The following HIPK3 variants were observed in gnomAD, a reference collection of about 807,000 sequenced individuals.
The protein encoded by HIPK3 is homeodomain interacting protein kinase 3.
HIPK3 carries 47 observed loss-of-function variants against 124.2 expected under a neutral mutation model. That is an observed-to-expected ratio of 0.38 (90% CI 0.30 to 0.48). HIPK3 has a LOEUF of 0.48. HIPK3 is among the 20% of genes least tolerant of loss of function. The probability of loss-of-function intolerance (pLI) is 0.98; values close to 1 mark genes in which losing one functional copy is unlikely to be tolerated. For missense variants in HIPK3, 1,286 were observed against 1,454.3 expected (o/e 0.88, Z 1.88); for synonymous variants, 482 against 515.2 (o/e 0.94, Z 0.87).
chr11:33,301,634 A>C (rs1240374292), intron 2 of HIPK3, among the ~76,000 whole-genome samples: 7 of 151,680 alleles, frequency 4.6e-5, no homozygotes, highest in East Asian at 1.9e-4. Flanking sequence ...AAAAAAAAAA[A>C]AAACTTGGGC....
Position 33,257,399 on chromosome 11 carries a change from G to A in HIPK3, c.-493G>A. Reference sequence around the variant, plus strand: ...GGCGGCTGGTGGCAGCTGCCTCAGTGACGACTGCCGGCATCGCGGCGACCT... The same window carrying A: ...GGCGGCTGGTGGCAGCTGCCTCAGTAACGACTGCCGGCATCGCGGCGACCT... On this transcript the variant is annotated 5_prime_UTR_variant, in exon 1 of 17. Coordinates refer to ENST00000303296, the MANE Select transcript of HIPK3 (RefSeq NM_005734.5). The A allele has an allele frequency of 1.0e-6, 1 of 985,194 alleles. No homozygotes were observed. The highest frequency in any genetic ancestry group is 1.2e-6 in the Non-Finnish European group (1 of 829,840). The allele number at this position is 985,194 out of a possible 1,614,324, so 61.0% of individuals were successfully genotyped here.
intron 3 of HIPK3, among the ~76,000 whole-genome samples, chr11:33,333,217 G>A (rs941361502): frequency 1.3e-5 from 2 of 152,194 alleles, no homozygotes; most frequent in African/African-American, 4.8e-5. Context: ...GATTTGTGAA[G>A]TATGGAATTG....
intron 8 of HIPK3, among the ~76,000 whole-genome samples, chr11:33,344,185 T>C (rs1853426768): frequency 6.6e-6 from 1 of 152,246 alleles, no homozygotes; most frequent in South Asian, 2.1e-4. Flanking sequence ...TGGTAGATTT[T>C]ATGACACTAC....
At chr11:33,296,027 C>G (rs1438761133) in intron 2 of HIPK3, among the ~76,000 whole-genome samples, 1 of 152,198 alleles carries the variant, frequency 6.6e-6, no homozygotes, top group African/African-American at 2.4e-5. Context: ...TTTTCTAATT[C>G]TGTAGTTCCT....
rs756044088 is a variant in HIPK3, at chr11:33,340,951, C to T, written c.1614-17C>T. 5 of 1,478,644 alleles carry T rather than the reference C, an allele frequency of 3.4e-6. 1 individual carries two copies. In the South Asian group the frequency reaches 3.7e-5, roughly 11 times the overall value. 91.6% of individuals were successfully genotyped at this position (1,478,644 alleles called of 1,614,324 possible). A position where few individuals can be genotyped will look rare whatever the true frequency, so the allele number is the denominator to read the frequency against. On this transcript the variant is annotated splice_polypyrimidine_tract_variant and intron_variant, in intron 6 of 16. Transcript: ENST00000303296. ...TTTTAAAATAATACTGTAATACCTT[C>T]ACTTTTTCTTTTACAGTGTAAAGTC...
chr11:33,319,239 G>A (rs1590396636), intron 2 of HIPK3, among the ~76,000 whole-genome samples: 2 of 152,332 alleles, frequency 1.3e-5, no homozygotes, highest in East Asian at 3.9e-4. Flanking sequence ...GCTCATGCCT[G>A]TAATCCCAGC....
chr11:33,343,590 T>A (rs535806037), intron 8 of HIPK3, among the ~76,000 whole-genome samples: 10 of 152,316 alleles, frequency 6.6e-5, no homozygotes, highest in South Asian at 4.1e-4. Context: ...TCTGATTTTT[T>A]AATTTTAAGC....
chr11:33,288,125 G>A (rs1851605546), intron 2 of HIPK3, among the ~76,000 whole-genome samples: 1 of 152,158 alleles, frequency 6.6e-6, no homozygotes, highest in Non-Finnish European at 1.5e-5. Context: ...CCTGTATAAG[G>A]ATTCAGAAAG....
Position 33,349,205 on chromosome 11 carries a change from T to C in HIPK3, c.2725T>C (p.Cys909Arg). 1 of 1,613,778 alleles carries C rather than the reference T, an allele frequency of 6.2e-7. No homozygotes were observed. The highest frequency in any genetic ancestry group is 8.5e-7 in the Non-Finnish European group (1 of 1,179,662). The stretch of plus-strand genomic sequence containing the variant: ...GAGCACTTTGAATATTGATCGGATG[T>C]GTTCATTAAGTAGTCCTGATAGTAC... ...CQSTLNIDRM[C>R]SLSSPDSTLS... The change falls in exon 14 of 17, where the codon TGT (cysteine) becomes CGT (arginine). Residue 909 changes from cysteine to arginine, a missense_variant. By Grantham distance (180) the Cys-to-Arg change is radical. Coordinates refer to ENST00000303296, the MANE Select transcript of HIPK3 (RefSeq NM_005734.5).
rs1169498647 is a variant in HIPK3, at chr11:33,257,666, GAGC to G, written c.-207_-205del. The G allele has an allele frequency of 1.3e-4, 131 of 992,092 alleles. No individual in the cohort carries two copies. The highest frequency in any genetic ancestry group is 3.3e-4 in the East Asian group (3 of 9,018). 61.5% of individuals were successfully genotyped at this position (992,092 alleles called of 1,614,324 possible). On this transcript the variant is annotated 5_prime_UTR_variant, in exon 1 of 17. Transcript: ENST00000303296. The stretch of plus-strand genomic sequence containing the variant: ...AGACGGGCCCGGCGCTTAGCAGCCA[GAGC>G]AGCAGCAGCAGCAGCAGCGGTCGGG...
rs1473755077 is a variant in HIPK3 at position 33,347,842 on chromosome 11, T to C, written c.2145-10T>C. 1 of 1,613,944 alleles carries C rather than the reference T, an allele frequency of 6.2e-7. No individual in the cohort carries two copies. The highest frequency in any genetic ancestry group is 1.7e-5 in the Admixed American group (1 of 60,012). On this transcript the variant is annotated splice_polypyrimidine_tract_variant and intron_variant, in intron 10 of 16. Transcript: ENST00000303296. ...CTTGATTAAAAACATTGTTCTGAAC[T>C]TCTCCCTAGGAAGATGATTTCATGC...
chr11:33,347,841 C>T lies in HIPK3; in HGVS notation c.2145-11C>T. 2 of 1,614,026 alleles carry T rather than the reference C, an allele frequency of 1.2e-6. No individual in the cohort carries two copies. Among genetic ancestry groups the T allele is most frequent in the Non-Finnish European group, 1.7e-6 (2 of 1,179,932 alleles). On this transcript the variant is annotated splice_polypyrimidine_tract_variant and intron_variant, in intron 10 of 16. Coordinates refer to ENST00000303296, the MANE Select transcript of HIPK3 (RefSeq NM_005734.5). ...TCTTGATTAAAAACATTGTTCTGAA[C>T]TTCTCCCTAGGAAGATGATTTCATG...
chr11:33,284,830 T>C (rs1289612865), intron 1 of HIPK3, among the ~76,000 whole-genome samples: 1 of 152,174 alleles, frequency 6.6e-6, no homozygotes, highest in African/African-American at 2.4e-5. Flanking sequence ...GATGATTCTG[T>C]CAAATGGTGG....
At chr11:33,321,163 G>C (rs1852653323) in intron 2 of HIPK3, among the ~76,000 whole-genome samples, 1 of 152,178 alleles carries the variant, frequency 6.6e-6, no homozygotes, top group South Asian at 2.1e-4. Flanking sequence ...AGTGCAGGTA[G>C]ATTAATAATC....
intron 1 of HIPK3, among the ~76,000 whole-genome samples, chr11:33,273,132 C>T (rs1190724091): frequency 1.3e-5 from 2 of 151,812 alleles, no homozygotes; most frequent in Non-Finnish European, 2.9e-5. Context: ...TTCCTGAAGC[C>T]ATTGTAAAGG....
intron 11 of HIPK3, 71 bp downstream of exon 11, chr11:33,348,084 A>C: frequency 6.2e-7 from 1 of 1,606,770 alleles, no homozygotes; most frequent in Non-Finnish European, 8.5e-7. Context: ...TGTACTCTAA[A>C]GGGTCACTCT....
At chr11:33,332,562 T>C (rs147227877) in intron 3 of HIPK3, among the ~76,000 whole-genome samples, 1 of 152,376 alleles carries the variant, frequency 6.6e-6, no homozygotes, top group East Asian at 1.9e-4. Flanking sequence ...TGTTGGAGTT[T>C]AGATAGAATG....
In HIPK3 at chr11:33,328,570, A is replaced by G; in HGVS notation, c.1158A>G (p.Gly386=). The part of the protein sequence containing the change: ...FCEAIDMWSL[G]CVIAELFLGW... ...AAGCCATAGACATGTGGTCATTGGG[A>G]TGTGTGATTGCAGAATTATTTCTTG... Residue 386 remains glycine, a synonymous_variant, in exon 3 of 17, where the codon GGA becomes GGG. Transcript: ENST00000303296. 1 of 1,613,456 alleles carries G rather than the reference A, an allele frequency of 6.2e-7. No homozygotes were observed. The highest frequency in any genetic ancestry group is 8.5e-7 in the Non-Finnish European group (1 of 1,179,486).
In HIPK3 at chr11:33,352,265, G is replaced by C. The variant is rs1234682228; in HGVS notation, c.3171G>C (p.Gln1057His). 1 of 1,613,824 alleles carries C rather than the reference G, an allele frequency of 6.2e-7. No individual in the cohort carries two copies. Among genetic ancestry groups the C allele is most frequent in the East Asian group, 2.2e-5 (1 of 44,858 alleles). ...AGCAGCAGCATTTGAACTTCAGTCA[G>C]GTATGTTCATTTGTGGATATGTAGG... ...AFQQQHLNFS[Q>H]VQHFGSGHQE... is the part of the protein sequence containing the mutation. The change falls in exon 16 of 17, where the codon CAG (glutamine) becomes CAC (histidine). Residue 1057 changes from glutamine (Q) to histidine (H), a missense_variant and splice_region_variant. Coordinates refer to ENST00000303296, the MANE Select transcript of HIPK3 (RefSeq NM_005734.5).
Sources: gnomAD v4.1 joint callset for allele counts (sites outside exome capture counted in the v4.1 genomes callset) on GRCh38, gnomAD v4.1.1 for gene constraint, MANE v1.5 for transcripts, NCBI Gene and HGNC (gene_info 2026-07-23, HGNC 2026-07-21) for gene names.